PLEKHH2: variants seen among roughly 807,000 people sequenced by gnomAD.
The protein encoded by PLEKHH2 is pleckstrin homology, MyTH4 and FERM domain containing H2, also known as pleckstrin homology domain-containing family H member 2.
Under a neutral mutation model 187.9 loss-of-function variants are expected in PLEKHH2, and 129 were observed. The ratio of observed to expected loss-of-function variants is 0.69; its 90% CI spans 0.59 to 0.79. The LOEUF is 0.79. PLEKHH2 is among the 30% of genes least tolerant of loss of function. The pLI, the probability that PLEKHH2 is intolerant of heterozygous loss-of-function variation, is 0.00. For missense variants in PLEKHH2, 2,076 were observed against 1,751.2 expected (o/e 1.19, Z -3.31); for synonymous variants, 686 against 605.6 (o/e 1.13, Z -1.95).
intron 2 of PLEKHH2, among the ~76,000 whole-genome samples, chr2:43,658,018 C>T (rs907206716): frequency 2.0e-5 from 3 of 152,186 alleles, no homozygotes; most frequent in Middle Eastern, 3.2e-3. Context: ...TTTCTGTCTT[C>T]TGAACAGTGA....
At position 43,747,336 on chromosome 2, in the gene PLEKHH2, G is replaced by A. The variant is rs541796789; in HGVS notation, c.3653+1373G>A. Among the ~76,000 whole-genome samples, 226 of 152,202 alleles carry A rather than the reference G, an allele frequency of 1.5e-3. 1 individual carries two copies. Among genetic ancestry groups the A allele is most frequent in the Non-Finnish European group, 2.5e-3 (173 of 68,010 alleles). ...TGAAGAGAGAGAGAGGTACTGTGAG[G>A]GCACACAACAGTGAGCCTGACCTAG... On this transcript the variant is annotated intron_variant, in intron 24 of 29. Coordinates refer to ENST00000282406, the MANE Select transcript of PLEKHH2 (RefSeq NM_172069.4).
Position 43,694,418 on chromosome 2 carries a change from A to G in PLEKHH2, c.337-13A>G. ...TTATGTTTGAACTAAACAAATTGCT[A>G]TTGTTATTTCAGAAACAAATAAGAA... On this transcript the variant is annotated splice_polypyrimidine_tract_variant and intron_variant, in intron 4 of 29. Coordinates refer to ENST00000282406, the MANE Select transcript of PLEKHH2 (RefSeq NM_172069.4). 1 of 1,547,724 alleles carries G rather than the reference A, an allele frequency of 6.5e-7. No homozygotes were observed. The highest frequency in any genetic ancestry group is 1.4e-5 in the African/African-American group (1 of 72,500).
At position 43,672,913 on chromosome 2, in the gene PLEKHH2, C is replaced by T. The variant is rs17031212; in HGVS notation, c.124-5950C>T. On this transcript the variant is annotated intron_variant, in intron 2 of 29. Transcript: ENST00000282406. ...ATGTAATTCCATAAAAACAGGCACA[C>T]GTAAATTTTTTAACAAACATTTGAT... Among the ~76,000 whole-genome samples, 1,075 of 152,240 alleles carry T rather than the reference C, an allele frequency of 7.1e-3. 14 individuals carry two copies. Among genetic ancestry groups the T allele is most frequent in the African/African-American group, 0.025 (1,027 of 41,540 alleles).
At chr2:43,654,483 C>G (rs1025885718) in intron 2 of PLEKHH2, among the ~76,000 whole-genome samples, 1 of 151,846 alleles carries the variant, frequency 6.6e-6, no homozygotes, top group African/African-American at 2.4e-5. Context: ...GCGTGAGCCA[C>G]TGCGCCCGGC....
In PLEKHH2 at chr2:43,704,029, G is replaced by T; in HGVS notation, c.1699G>T (p.Ala567Ser). The T allele has an allele frequency of 1.2e-6, 2 of 1,604,490 alleles. No homozygotes were observed. Among genetic ancestry groups the T allele is most frequent in the Admixed American group, 1.7e-5 (1 of 59,608 alleles). ...VAKSGIRMSEAFNMESVNKNS... is the reference protein window; with the variant it reads ...VAKSGIRMSESFNMESVNKNS... ...CAAATCAGGTATTCGAATGTCTGAG[G>T]CCTTCAATATGGAGAGTGTTAATAA... Residue 567 changes from alanine to serine, a missense_variant, in exon 9 of 30, where the codon GCC becomes TCC. Transcript: ENST00000282406.
intron 2 of PLEKHH2, chr2:43,675,775 C>G (rs752900759): frequency 1.9e-6 from 3 of 1,613,690 alleles, no homozygotes; most frequent in South Asian, 2.2e-5. Flanking sequence ...GACAATCCCT[C>G]CTTCCACAGT....
intron 26 of PLEKHH2, 92 bp from the exon 27 acceptor site, chr2:43,758,808 T>G: frequency 8.8e-7 from 1 of 1,133,622 alleles, no homozygotes. Flanking sequence ...ATGCTTAGGA[T>G]TGGCTCAAGG....
chr2:43,740,567 T>C (rs1671517181), intron 20 of PLEKHH2, among the ~76,000 whole-genome samples: 1 of 152,232 alleles, frequency 6.6e-6, no homozygotes, highest in Non-Finnish European at 1.5e-5. Flanking sequence ...TTAGGGCATG[T>C]GTTTTCTACT....
intron 1 of PLEKHH2, among the ~76,000 whole-genome samples, chr2:43,642,358 A>AT (rs1156890852): frequency 2.0e-5 from 3 of 152,002 alleles, no homozygotes; most frequent in East Asian, 1.9e-4. Flanking sequence ...ATAGTTTAGT[A>AT]TTTTTTTGTG....
intron 2 of PLEKHH2, among the ~76,000 whole-genome samples, chr2:43,650,721 C>G (rs78716170): frequency 6.6e-6 from 1 of 151,664 alleles, no homozygotes; most frequent in African/African-American, 2.4e-5. Flanking sequence ...TCTCTACTCA[C>G]TGCAACCTCC....
intron 24 of PLEKHH2, among the ~76,000 whole-genome samples, chr2:43,748,085 G>A (rs114188977): frequency 0.012 from 1,902 of 152,250 alleles, 56 homozygotes; most frequent in African/African-American, 0.044. Context: ...CATATTTTGG[G>A]CTCTTCTCTC....
intron 4 of PLEKHH2, among the ~76,000 whole-genome samples, chr2:43,693,877 A>T (rs1668959076): frequency 6.6e-6 from 1 of 152,152 alleles, no homozygotes; most frequent in East Asian, 1.9e-4. Context: ...GATAAAGACC[A>T]GTGTTTCTTT....
Position 43,707,518 on chromosome 2 carries a change from C to A in PLEKHH2, c.1939C>A (p.Pro647Thr). 2 of 1,614,054 alleles carry A rather than the reference C, an allele frequency of 1.2e-6. No homozygotes were observed. Among genetic ancestry groups the A allele is most frequent in the Non-Finnish European group, 1.7e-6 (2 of 1,179,966 alleles). ...SESDSRSRSG[P>T]GSPRAMKRGV... The stretch of plus-strand genomic sequence containing the variant: ...GTCAGACTCACGCAGTAGGAGTGGG[C>A]CAGGCAGCCCCAGAGCCATGAAACG... The change falls in exon 11 of 30, where the codon CCA becomes ACA. Residue 647 changes from proline (P) to threonine (T), a missense_variant. Pro to Thr is a conservative substitution (Grantham distance 38). Coordinates refer to ENST00000282406, the MANE Select transcript of PLEKHH2 (RefSeq NM_172069.4).
At chr2:43,740,790 TAACC>T in intron 20 of PLEKHH2, 152 bp from the exon 21 acceptor site, 5 of 1,288,268 alleles carry the variant, frequency 3.9e-6, no homozygotes, top group African/African-American at 1.5e-5. Context: ...TTTTTGTTTT[TAACC>T]TATGATAAAT....
chr2:43,654,957 A>C (rs1015812569), intron 2 of PLEKHH2, among the ~76,000 whole-genome samples: 1 of 151,558 alleles, frequency 6.6e-6, no homozygotes, highest in African/African-American at 2.4e-5. Flanking sequence ...AACCTGGGAG[A>C]TGGAGGTTGC....
chr2:43,667,811 T>C (rs77956087), intron 2 of PLEKHH2, among the ~76,000 whole-genome samples: 1,789 of 152,246 alleles, frequency 0.012, 34 homozygotes, highest in African/African-American at 0.041. Context: ...TTACTGCTAA[T>C]AGGTACAGGC....
At chr2:43,646,182 A>G (rs1666176545) in intron 2 of PLEKHH2, among the ~76,000 whole-genome samples, 1 of 152,188 alleles carries the variant, frequency 6.6e-6, no homozygotes, top group South Asian at 2.1e-4. Flanking sequence ...TATTAAAATT[A>G]TAGCTTATAA....
chr2:43,675,766 A>C, intron 2 of PLEKHH2: 1 of 1,613,770 alleles, frequency 6.2e-7, no homozygotes, highest in Non-Finnish European at 8.5e-7. Flanking sequence ...TCTGCTTAAG[A>C]CAATCCCTCC....
intron 28 of PLEKHH2, 25 bp downstream of exon 28, chr2:43,762,415 C>T: frequency 6.5e-7 from 1 of 1,531,230 alleles, no homozygotes; most frequent in Non-Finnish European, 9.0e-7. Context: ...TCAAGTTTTG[C>T]ATTAAGTCAA....
Sources: allele counts gnomAD v4.1 joint callset (sites outside exome capture counted in the v4.1 genomes callset), GRCh38; gene constraint gnomAD v4.1.1; transcripts MANE v1.5; gene names NCBI Gene and HGNC (gene_info 2026-07-23, HGNC 2026-07-21).